Variants in SCOC observed in about 807,000 individuals in gnomAD.
SCOC encodes short coiled-coil protein, also known as short coiled coil protein.
A neutral mutation model predicts 9.9 loss-of-function variants in SCOC; 7 were observed. The ratio of observed to expected loss-of-function variants is 0.71; its 90% CI spans 0.40 to 1.33. The LOEUF (loss-of-function observed/expected upper bound fraction) is 1.33, where lower values mean the gene tolerates loss of function less well. SCOC is among the 40% of genes most tolerant of loss of function. The pLI, the probability that SCOC is intolerant of heterozygous loss-of-function variation, is 0.01. For synonymous variants in SCOC, 19 were observed against 28.2 expected (o/e 0.67, Z 1.03); for missense variants, 66 against 89.7 (o/e 0.74, Z 1.07).
At chr4:140,343,775 CTT>C (rs1726597638) in intron 2 of SCOC, 3 of 1,124,076 alleles carry the variant, frequency 2.7e-6, no homozygotes, top group Non-Finnish European at 3.9e-6. Flanking sequence ...AAAAATATAA[CTT>C]TTATTATTTT....
At chr4:140,355,224 T>TATGATATATATATATATATATG in intron 2 of SCOC, among the ~76,000 whole-genome samples, 2 of 80,214 alleles carry the variant, frequency 2.5e-5, no homozygotes, top group Admixed American at 1.4e-4. Context: ...TATATATATA[T>TATGATATATATATATATATATG]ATATATATAT....
At chr4:140,330,580 C>T (rs1732790355) in intron 1 of SCOC, among the ~76,000 whole-genome samples, 2 of 152,130 alleles carry the variant, frequency 1.3e-5, no homozygotes, top group Admixed American at 1.3e-4. Context: ...GATTTTCAGA[C>T]AAGGGCTGCA....
intron 2 of SCOC, chr4:140,362,957 T>C (rs4956366): frequency 0.96 from 145,750 of 152,274 alleles, 69,813 homozygotes; most frequent in East Asian, 0.99. Context: ...AAGAATACAG[T>C]CAACCCAGGC....
At chr4:140,362,304 T>TTCTTCTTCTTCTTCTTC (rs1727586818) in intron 2 of SCOC, among the ~76,000 whole-genome samples, 1 of 55,144 alleles carries the variant, frequency 1.8e-5, no homozygotes, top group Non-Finnish European at 4.1e-5. Flanking sequence ...TTCTTCTTTT[T>TTCTTCTTCTTCTTCTTC]TTTTTTTTTT....
At chr4:140,343,723 G>C in intron 2 of SCOC, 5 of 1,582,880 alleles carry the variant, frequency 3.2e-6, no homozygotes, top group Non-Finnish European at 4.3e-6. Context: ...GGAAAAAATG[G>C]ATAACTTCTC....
intron 1 of SCOC, chr4:140,376,605 G>A (rs1004323577): frequency 6.6e-6 from 1 of 152,304 alleles, no homozygotes; most frequent in Admixed American, 6.5e-5. Flanking sequence ...TTGAGTGTAA[G>A]AGTAATTTTT....
intron 1 of SCOC, among the ~76,000 whole-genome samples, chr4:140,299,803 G>T (rs945540318): frequency 5.3e-5 from 8 of 152,232 alleles, no homozygotes; most frequent in African/African-American, 1.9e-4. Context: ...GCTGGCTGCT[G>T]CTATCATAGC....
chr4:140,258,014 T>C (rs561764626), intron 1 of SCOC, among the ~76,000 whole-genome samples: 66 of 152,336 alleles, frequency 4.3e-4, no homozygotes, highest in African/African-American at 1.5e-3. Context: ...AGTTCTTGCC[T>C]CTTCTTTCCA....
rs1730846531 is a variant in SCOC, at chr4:140,271,565, GT to G, written c.-19+14156del. ...TCTAGGTGCCTGAGCTGGGTAAAAT[GT>G]AGAGTAAGAATCTAGCTGGGAATTT... On this transcript the variant is annotated intron_variant, in intron 1 of 4. Coordinates refer to the SCOC transcript ENST00000394205. Among the ~76,000 whole-genome samples, 3 of 152,330 alleles carry G rather than the reference GT, an allele frequency of 2.0e-5. No individual in the cohort carries two copies. In the South Asian group the frequency reaches 6.2e-4, roughly 32 times the overall value.
chr4:140,355,705 G>C (rs1316790260), intron 2 of SCOC, among the ~76,000 whole-genome samples: 1 of 152,164 alleles, frequency 6.6e-6, no homozygotes, highest in African/African-American at 2.4e-5. Flanking sequence ...AGAGCCCAGA[G>C]GCTCTCTACC....
At position 140,381,115 on chromosome 4, in the gene SCOC, C is replaced by A; in HGVS notation, c.*11C>A. 1 of 1,579,010 alleles carries A rather than the reference C, an allele frequency of 6.3e-7. No individual in the cohort carries two copies. Among genetic ancestry groups the A allele is most frequent in the Non-Finnish European group, 8.5e-7 (1 of 1,170,112 alleles). ...AGCAAAAGAAAGTAAGGGATTGACA[C>A]CCTTCTGTTTTATGGAATTGCTGCT... On this transcript the variant is annotated 3_prime_UTR_variant, in exon 4 of 4. Transcript: ENST00000608372.
At chr4:140,319,461 AAC>A (rs1403132573) in intron 1 of SCOC, among the ~76,000 whole-genome samples, 2 of 152,148 alleles carry the variant, frequency 1.3e-5, no homozygotes, top group Non-Finnish European at 2.9e-5. Context: ...GCCCATATGA[AAC>A]ACAGCCAGCT....
At chr4:140,262,174 A>G (rs995629120) in intron 1 of SCOC, among the ~76,000 whole-genome samples, 2 of 152,180 alleles carry the variant, frequency 1.3e-5, no homozygotes, top group African/African-American at 4.8e-5. Context: ...GGTCTCTATT[A>G]GACCTATGAA....
chr4:140,261,182 T>C (rs1370546312), intron 1 of SCOC, among the ~76,000 whole-genome samples: 1 of 152,198 alleles, frequency 6.6e-6, no homozygotes, highest in Non-Finnish European at 1.5e-5. Flanking sequence ...TTTGTAGACA[T>C]TATATATGTT....
upstream of SCOC, among the ~76,000 whole-genome samples, chr4:140,338,540 T>C (rs1437227794): frequency 7.2e-5 from 11 of 152,202 alleles, no homozygotes; most frequent in East Asian, 7.7e-4. Context: ...GATTGTATAT[T>C]TAGAAAACCC....
At chr4:140,359,022 A>C (rs1319801278) in intron 2 of SCOC, among the ~76,000 whole-genome samples, 1 of 152,230 alleles carries the variant, frequency 6.6e-6, no homozygotes, top group Non-Finnish European at 1.5e-5. Context: ...TTGTTACAGA[A>C]TGAGAGAAAT....
intron 1 of SCOC, among the ~76,000 whole-genome samples, chr4:140,376,019 CTT>C (rs1728329269): frequency 6.6e-6 from 1 of 152,068 alleles, no homozygotes; most frequent in African/African-American, 2.4e-5. Flanking sequence ...AAAGTGAACT[CTT>C]AAGAGCATAT....
upstream of SCOC, among the ~76,000 whole-genome samples, chr4:140,339,583 T>C (rs923348240): frequency 6.6e-6 from 1 of 152,068 alleles, no homozygotes; most frequent in Non-Finnish European, 1.5e-5. Context: ...GAATCTACAA[T>C]GAACTCAAAC....
chr4:140,353,152 TG>T (rs1308337706), intron 2 of SCOC, among the ~76,000 whole-genome samples: 1 of 152,146 alleles, frequency 6.6e-6, no homozygotes, highest in African/African-American at 2.4e-5. Context: ...AGGGTTCCTT[TG>T]GCCTTCAAAG....
Sources: gnomAD v4.1 joint callset for allele counts (sites outside exome capture counted in the v4.1 genomes callset) on GRCh38, gnomAD v4.1.1 for gene constraint, MANE v1.5 for transcripts, NCBI Gene and HGNC (gene_info 2026-07-23, HGNC 2026-07-21) for gene names.